The following BAZ2B variants were observed in gnomAD, a reference collection of about 807,000 sequenced individuals.
BAZ2B encodes bromodomain adjacent to zinc finger domain protein 2B.
Under a neutral mutation model 246.0 loss-of-function variants are expected in BAZ2B, and 91 were observed. That is an observed-to-expected ratio of 0.37 (90% confidence interval 0.31 to 0.44). BAZ2B has a LOEUF of 0.44. Ranked by LOEUF, BAZ2B falls within the 20% of genes least tolerant of loss-of-function variation. The pLI is 1.00. For missense variants in BAZ2B, 2,332 were observed against 2,533.7 expected, an observed-to-expected ratio of 0.92 and a Z score of 1.71; for synonymous variants, 855 against 860.0, an observed-to-expected ratio of 0.99 and a Z score of 0.10.
the BAZ2B span, among the ~76,000 whole-genome samples, chr2:159,683,540 T>C: frequency 6.6e-6 from 1 of 152,236 alleles, no homozygotes. Flanking sequence ...GTTAGTTTTC[T>C]TGTTGCTGCT....
At chr2:159,443,791 T>G (rs556743574) in intron 6 of BAZ2B, among the ~76,000 whole-genome samples, 1 of 152,314 alleles carries the variant, frequency 6.6e-6, no homozygotes, top group Admixed American at 6.5e-5. Flanking sequence ...GTTTTCAGTA[T>G]GTTCTCCTAG....
At chr2:159,370,668 G>A (rs904775543) in intron 27 of BAZ2B, among the ~76,000 whole-genome samples, 5 of 152,054 alleles carry the variant, frequency 3.3e-5, no homozygotes, top group South Asian at 2.1e-4. Context: ...CACCGCACCC[G>A]GCCCAGGCTC....
the BAZ2B span, among the ~76,000 whole-genome samples, chr2:159,673,720 G>C: frequency 6.6e-6 from 1 of 151,900 alleles, no homozygotes; most frequent in East Asian, 1.9e-4. Context: ...ATATATCCAC[G>C]ATATATTAGC....
chr2:159,522,266 C>T (rs574392828), intron 2 of BAZ2B, among the ~76,000 whole-genome samples: 2 of 152,178 alleles, frequency 1.3e-5, no homozygotes, highest in African/African-American at 2.4e-5. Flanking sequence ...CCCCCAGAAT[C>T]AATTTATATC....
At chr2:159,316,983 C>T (rs1425608018), downstream of BAZ2B, among the ~76,000 whole-genome samples, 3 of 148,996 alleles carry the variant, frequency 2.0e-5, no homozygotes, top group Admixed American at 6.8e-5. Flanking sequence ...CCTGGGCGAC[C>T]GAGCAATACT....
intron 3 of BAZ2B, chr2:159,461,597 A>T (rs2076413291): frequency 6.6e-6 from 1 of 152,562 alleles, no homozygotes; most frequent in Non-Finnish European, 1.5e-5. Flanking sequence ...TTCCTTCAAC[A>T]TCTGCATTTT....
chr2:159,679,762 G>C, the BAZ2B span, among the ~76,000 whole-genome samples: 2 of 152,140 alleles, frequency 1.3e-5, no homozygotes, highest in Non-Finnish European at 2.9e-5. Context: ...TTAAGCATGA[G>C]GATATGTAAT....
chr2:159,706,084 A>AACACACACACAC, the BAZ2B span, among the ~76,000 whole-genome samples: 553 of 149,722 alleles, frequency 3.7e-3, 2 homozygotes, highest in Admixed American at 3.4e-3. Context: ...AAACATATAT[A>AACACACACACAC]ACACACACAC....
At chr2:159,384,724 C>T (rs2062419836) in intron 23 of BAZ2B, among the ~76,000 whole-genome samples, 1 of 151,802 alleles carries the variant, frequency 6.6e-6, no homozygotes, top group Non-Finnish European at 1.5e-5. Flanking sequence ...TAGCATACAA[C>T]AAAATAAAAA....
At chr2:159,406,880 G>C (rs560924071) in intron 14 of BAZ2B, among the ~76,000 whole-genome samples, 1 of 151,532 alleles carries the variant, frequency 6.6e-6, no homozygotes, top group Admixed American at 6.6e-5. Context: ...TCAGCCTCCC[G>C]AGCAGCTGGG....
intron 17 of BAZ2B, 65 bp downstream of exon 17, chr2:159,400,526 AAAATATTT>A (rs2064825029): frequency 3.2e-6 from 3 of 932,634 alleles, no homozygotes; most frequent in Non-Finnish European, 4.9e-6. Context: ...ACATGCACGC[AAAATATTT>A]ATTTTTGCAG....
At chr2:159,709,801 A>G in the BAZ2B span, among the ~76,000 whole-genome samples, 2 of 152,246 alleles carry the variant, frequency 1.3e-5, no homozygotes, top group African/African-American at 4.8e-5. Context: ...GGTGGAAGAA[A>G]TGCTCAAAAC....
At chr2:159,677,758 A>C in the BAZ2B span, among the ~76,000 whole-genome samples, 1 of 152,184 alleles carries the variant, frequency 6.6e-6, no homozygotes, top group Non-Finnish European at 1.5e-5. Context: ...AATTTGCCCA[A>C]ATCCAGATTA....
intron 1 of BAZ2B, among the ~76,000 whole-genome samples, chr2:159,581,795 C>T (rs559824661): frequency 6.6e-6 from 1 of 151,656 alleles, no homozygotes; most frequent in Non-Finnish European, 1.5e-5. Context: ...AGCTGGAAAC[C>T]ATCATTCTGA....
Position 159,349,048 on chromosome 2 carries a change from G to T in BAZ2B, c.5096C>A (p.Ala1699Glu). The change falls in exon 29 of 37, where the codon GCA (alanine) becomes GAA (glutamate). Residue 1699 changes from alanine (A) to glutamate (E), a missense_variant. This residue lies in a region of BAZ2B where 676 missense variants were observed against 668.6 expected (regional missense o/e 1.01). Transcript: ENST00000392783. ...TGGACTAGGAAAATCTACTGGTTTT[G>T]CTACTTCAACAGCTGCAGGTTGAGC... Reference protein sequence around the residue: ...TSAQPAAVEVAKPVDFPSPKP... With the variant: ...TSAQPAAVEVEKPVDFPSPKP... 3.1e-6 allele frequency: 5 copies of T among 1,614,122 alleles called. No individual in the cohort carries two copies. Among genetic ancestry groups the T allele is most frequent in the Non-Finnish European group, 4.2e-6 (5 of 1,179,990 alleles).
the BAZ2B span, chr2:159,689,300 C>A: frequency 3.0e-5 from 13 of 435,550 alleles, no homozygotes; most frequent in Non-Finnish European, 4.2e-5. Context: ...TTTTCCAGTA[C>A]TACTACCTTC....
In BAZ2B at chr2:159,348,612, G is replaced by A. The variant is rs1197034413; in HGVS notation, c.5293+66C>T. The A allele has an allele frequency of 4.0e-6, 6 of 1,505,020 alleles. No homozygotes were observed. The African/African-American group carries it at 7.0e-5, about 18-fold the overall frequency. The allele number at this position is 1,505,020 out of a possible 1,614,324, so 93.2% of individuals were successfully genotyped here. On this transcript the variant is annotated intron_variant, in intron 30 of 36. Coordinates refer to ENST00000392783, the MANE Select transcript of BAZ2B (RefSeq NM_013450.4). ...GGACCAATAGACTGTACTAAAATAT[G>A]GTTTAGAATAATTAATTCTCATAAC...
intron 27 of BAZ2B, among the ~76,000 whole-genome samples, chr2:159,352,433 GT>G (rs1265888937): frequency 5.3e-5 from 8 of 150,514 alleles, no homozygotes; most frequent in African/African-American, 2.0e-4. Context: ...TCCCTCCCAC[GT>G]ACTAGAATTT....
chr2:159,324,228 G>C (rs749231507), intron 36 of BAZ2B, among the ~76,000 whole-genome samples: 1 of 152,054 alleles, frequency 6.6e-6, no homozygotes, highest in Non-Finnish European at 1.5e-5. Context: ...TTTATTCTTG[G>C]AATAGGATTG....
Sources: allele counts gnomAD v4.1 joint callset (sites outside exome capture counted in the v4.1 genomes callset), GRCh38; gene constraint gnomAD v4.1.1; regional missense constraint gnomAD v4.1.1; transcripts MANE v1.5; gene names NCBI Gene and HGNC (gene_info 2026-07-23, HGNC 2026-07-21).